KL: variants seen among roughly 807,000 people sequenced by gnomAD.
KL encodes the protein alpha-klotho.
Under a neutral mutation model 84.2 loss-of-function variants are expected in KL, and 62 were observed. That is an observed-to-expected ratio of 0.74 (90% CI 0.60 to 0.91). The LOEUF (loss-of-function observed/expected upper bound fraction) is 0.91, where lower values mean the gene tolerates loss of function less well. KL is among the 40% of genes least tolerant of loss of function. The pLI, the probability that KL is intolerant of heterozygous loss-of-function variation, is 0.00. For synonymous variants in KL, 528 were observed against 528.0 expected (o/e 1.00, Z 0.00); for missense variants, 1,261 against 1,305.7 (o/e 0.97, Z 0.53).
At position 33,053,938 on chromosome 13, in the gene KL, G is replaced by T. The variant is rs370772575; in HGVS notation, c.991G>T (p.Val331Leu). ...TGTACTAGGTTGGTTTGCCAAACCCGTATTTATTGATGGTGACTATCCCGA... is the reference window on the plus strand; with the variant it reads ...TGTACTAGGTTGGTTTGCCAAACCCTTATTTATTGATGGTGACTATCCCGA... ...DFVLGWFAKP[V>L]FIDGDYPESM... The change falls in exon 2 of 5, where the codon GTA (valine) becomes TTA (leucine). Residue 331 changes from valine to leucine, a missense_variant. Transcript: ENST00000380099. 1 of 1,614,040 alleles carries T rather than the reference G, an allele frequency of 6.2e-7. No individual in the cohort carries two copies. The highest frequency in any genetic ancestry group is 8.5e-7 in the Non-Finnish European group (1 of 1,179,930).
chr13:33,043,223 G>A (rs1204263184), intron 1 of KL, among the ~76,000 whole-genome samples: 5 of 147,584 alleles, frequency 3.4e-5, no homozygotes. Context: ...GAATTTGTTG[G>A]TAGTCTTTTT....
intron 3 of KL, among the ~76,000 whole-genome samples, chr13:33,058,887 T>C (rs1872068699): frequency 6.6e-6 from 1 of 152,156 alleles, no homozygotes; most frequent in South Asian, 2.1e-4. Context: ...ATTTGTGGGG[T>C]GCATCACAGT....
chr13:33,061,110 C>G lies in KL; in HGVS notation c.2031C>G (p.Leu677=), dbSNP rs368108025. ...ATGCCCGACTGTGCTTTCAAGAGCT[C>G]GGCCATCACGTCAAGCTTTGGATAA... ...AEYARLCFQE[L]GHHVKLWITM... The change falls in exon 4 of 5, where the codon CTC becomes CTG. Residue 677 remains leucine, a synonymous_variant. Coordinates refer to ENST00000380099, the MANE Select transcript of KL (RefSeq NM_004795.4). 6.2e-6 allele frequency: 10 copies of G among 1,613,948 alleles called. No individual in the cohort carries two copies. In the South Asian group the frequency reaches 8.8e-5, roughly 14 times the overall value.
intron 3 of KL, among the ~76,000 whole-genome samples, chr13:33,056,151 C>CG (rs1444202542): frequency 6.6e-6 from 1 of 152,068 alleles, no homozygotes; most frequent in African/African-American, 2.4e-5. Context: ...TGGAGTGAAG[C>CG]GGGCATGGTG....
rs192282143 is a variant in KL, at chr13:33,019,931, A to C, written c.819+2672A>C. Among the ~76,000 whole-genome samples, 192 of 152,160 alleles carry C rather than the reference A, an allele frequency of 1.3e-3. 1 individual carries two copies. The Middle Eastern group carries it at 0.014, about 11-fold the overall frequency. ...CTCAGCCTTCACAGCTCTTGAAACA[A>C]AGTTCTTAATGTCCCCTGAAATCAG... is the stretch of plus-strand genomic sequence containing the variant. On this transcript the variant is annotated intron_variant, in intron 1 of 4. Coordinates refer to ENST00000380099, the MANE Select transcript of KL (RefSeq NM_004795.4).
chr13:33,041,387 T>G (rs1175061760), intron 1 of KL, among the ~76,000 whole-genome samples: 1 of 149,020 alleles, frequency 6.7e-6, no homozygotes, highest in African/African-American at 2.4e-5. Context: ...ATTGCAGTTT[T>G]TGCCATTACT....
chr13:33,027,273 T>G (rs537419088), intron 1 of KL, among the ~76,000 whole-genome samples: 2 of 152,294 alleles, frequency 1.3e-5, no homozygotes, highest in Non-Finnish European at 2.9e-5. Flanking sequence ...CCGGGTCAGC[T>G]CCTGAGGGGT....
rs1166173752 is a variant in KL at position 33,054,275 on chromosome 13, A to G, written c.1328A>G (p.Lys443Arg). The G allele has an allele frequency of 6.2e-7, 1 of 1,613,380 alleles. No individual in the cohort carries two copies. Residue 443 changes from lysine to arginine, a missense_variant and splice_region_variant, in exon 2 of 5, where the codon AAA becomes AGA. Physicochemically the swap from Lys to Arg is conservative, Grantham distance 26. Coordinates refer to ENST00000380099, the MANE Select transcript of KL (RefSeq NM_004795.4). Reference sequence around the variant, plus strand: ...AAAAAGTTCATCATGGAAACCTTAAAAGGTATGATTGTGGGTAAAGTTCTC... The same window carrying G: ...AAAAAGTTCATCATGGAAACCTTAAGAGGTATGATTGTGGGTAAAGTTCTC... ...YLKKFIMETLKAIKLDGVDVI... is the reference protein window; with the variant it reads ...YLKKFIMETLRAIKLDGVDVI...
Position 33,063,957 on chromosome 13 carries a change from C to A in KL, c.2810C>A (p.Pro937His). The A allele has an allele frequency of 6.2e-7, 1 of 1,614,118 alleles. No individual in the cohort carries two copies. The highest frequency in any genetic ancestry group is 8.5e-7 in the Non-Finnish European group (1 of 1,180,030). Residue 937 changes from proline (P) to histidine (H), a missense_variant, in exon 5 of 5, where the codon CCC becomes CAC. By Grantham distance (77) the Pro-to-His change is moderately conservative. Transcript: ENST00000380099. ...CGTTATGCTGCAGATCAGTTTGAGC[C>A]CAAGGCATCCATGAAACATTACAGG... ...LYRYAADQFE[P>H]KASMKHYRKI...
Position 33,016,494 on chromosome 13 carries a change from G to A in KL, c.54G>A (p.Ser18=). ...RRPRPPPPSL[S]LLLVLLGLGG... ...CGCGGCCGCCGCCGCCGTCGCTGTCGCTGCTGCTGGTGCTGCTGGGCCTGG... is the reference window on the plus strand; with the variant it reads ...CGCGGCCGCCGCCGCCGTCGCTGTCACTGCTGCTGGTGCTGCTGGGCCTGG... The change falls in exon 1 of 5, where the codon TCG becomes TCA. Residue 18 remains serine (S), a synonymous_variant. Transcript: ENST00000380099. 4 of 1,205,544 alleles carry A rather than the reference G, an allele frequency of 3.3e-6. No individual in the cohort carries two copies. Among genetic ancestry groups the A allele is most frequent in the Non-Finnish European group, 4.1e-6 (4 of 971,916 alleles). 74.7% of individuals were successfully genotyped at this position (1,205,544 alleles called of 1,614,324 possible).
rs748772687 is a variant in KL, at chr13:33,060,676, C to T, written c.1600-3C>T. The T allele has an allele frequency of 2.5e-6, 4 of 1,614,200 alleles. No individual in the cohort carries two copies. The East Asian group carries it at 6.7e-5, about 27-fold the overall frequency. ...ACGCTAATGTTTACTCTGCCCTTCA[C>T]AGGTAGATACCACTCTGTCTCAGTT... On this transcript the variant is annotated splice_region_variant and splice_polypyrimidine_tract_variant and intron_variant, in intron 3 of 4. Transcript: ENST00000380099.
chr13:33,059,769 CCT>C (rs1278523837), intron 3 of KL, among the ~76,000 whole-genome samples: 1 of 152,052 alleles, frequency 6.6e-6, no homozygotes, highest in Non-Finnish European at 1.5e-5. Flanking sequence ...CTGCGCCTGG[CCT>C]CTCTCTCGGA....
intron 2 of KL, among the ~76,000 whole-genome samples, 166 bp from the exon 3 acceptor site, chr13:33,054,881 T>C (rs899027827): frequency 6.6e-6 from 1 of 152,196 alleles, no homozygotes; most frequent in Admixed American, 6.5e-5. Flanking sequence ...TGTAGAGTTA[T>C]ATAGGTTTGA....
intron 4 of KL, among the ~76,000 whole-genome samples, chr13:33,063,402 A>G (rs9563124): frequency 0.32 from 49,240 of 151,780 alleles, 8,594 homozygotes; most frequent in East Asian, 0.45. Context: ...CTTTACATAA[A>G]ATAAAGCCTT....
chr13:33,053,115 T>C (rs1017877357), intron 1 of KL, among the ~76,000 whole-genome samples: 1 of 152,226 alleles, frequency 6.6e-6, no homozygotes, highest in Non-Finnish European at 1.5e-5. Flanking sequence ...TGCTGTTTTT[T>C]GCTCTTGGCT....
intron 1 of KL, among the ~76,000 whole-genome samples, chr13:33,051,569 C>A (rs1213030989): frequency 2.0e-5 from 3 of 152,112 alleles, no homozygotes; most frequent in African/African-American, 7.2e-5. Flanking sequence ...GGAGCAGGAA[C>A]TTTATCTGCC....
intron 1 of KL, among the ~76,000 whole-genome samples, chr13:33,044,635 A>ATTT (rs1871453892): frequency 1.1e-3 from 77 of 72,256 alleles, no homozygotes; most frequent in South Asian, 2.7e-3. Flanking sequence ...AATGCAATTG[A>ATTT]TTTTCTTTTT....
chr13:33,057,177 G>A (rs1409859362), intron 3 of KL, among the ~76,000 whole-genome samples: 1 of 152,068 alleles, frequency 6.6e-6, no homozygotes, highest in Non-Finnish European at 1.5e-5. Flanking sequence ...GCTGAGCACG[G>A]ATCTCTGATA....
chr13:33,049,336 A>G (rs2138225947), intron 1 of KL, among the ~76,000 whole-genome samples: 1 of 152,300 alleles, frequency 6.6e-6, no homozygotes, highest in African/African-American at 2.4e-5. Context: ...AGATCTGTTT[A>G]TTGAATACTG....
Sources: gnomAD v4.1 joint callset for allele counts (sites outside exome capture counted in the v4.1 genomes callset) on GRCh38, gnomAD v4.1.1 for gene constraint, MANE v1.5 for transcripts, NCBI Gene and HGNC (gene_info 2026-07-23, HGNC 2026-07-21) for gene names.